The following DDX42 variants were observed in gnomAD, a reference collection of about 807,000 sequenced individuals.
The protein encoded by DDX42 is DEAD-box helicase 42.
In DDX42, 22 loss-of-function variants were observed where a neutral mutation model predicts 101.5. The observed-to-expected ratio is 0.22, with a 90% CI of 0.15 to 0.31. DDX42 has a LOEUF of 0.31. Ranked by LOEUF, DDX42 falls within the 10% of genes least tolerant of loss-of-function variation. DDX42 has a pLI of 1.00. For synonymous variants in DDX42, 402 were observed against 401.2 expected (o/e 1.00, Z -0.02); for missense variants, 849 against 1,199.9 (o/e 0.71, Z 4.32).
At chr17:63,788,957 C>A (rs144345590) in intron 2 of DDX42, among the ~76,000 whole-genome samples, 1 of 151,874 alleles carries the variant, frequency 6.6e-6, no homozygotes, top group Non-Finnish European at 1.5e-5. Context: ...TGGAGTGGTG[C>A]GATCAAGGCT....
chr17:63,810,553 C>G lies in DDX42; in HGVS notation c.1293C>G (p.Asp431Glu). Residue 431 changes from aspartate to glutamate, a missense_variant, in exon 12 of 18, where the codon GAC becomes GAG. This residue lies in a region of DDX42 where 370 missense variants were observed against 608.8 expected (regional missense o/e 0.61). Transcript: ENST00000389924. ...CCATAGCAAGTCATGTTCGTCCTGA[C>G]AGGCAGAGTATGTATGAAGCACCTT... ...VRSIASHVRP[D>E]RQTLLFSATF... 6.2e-7 allele frequency: 1 copy of G among 1,614,030 alleles called. No homozygotes were observed. Among genetic ancestry groups the G allele is most frequent in the Non-Finnish European group, 8.5e-7 (1 of 1,180,004 alleles).
At chr17:63,778,476 A>G (rs750760936) in intron 1 of DDX42, among the ~76,000 whole-genome samples, 4 of 151,988 alleles carry the variant, frequency 2.6e-5, no homozygotes, top group Non-Finnish European at 4.4e-5. Context: ...GAATTACATG[A>G]TTTAGTTTTT....
chr17:63,796,596 G>A (rs1400871058), intron 3 of DDX42, among the ~76,000 whole-genome samples: 1 of 152,230 alleles, frequency 6.6e-6, no homozygotes, highest in East Asian at 1.9e-4. Flanking sequence ...GATTACGGGC[G>A]TGAGCCACCG....
rs746356865 is a variant in DDX42, at chr17:63,808,852, A to G, written c.1056A>G (p.Ala352=). Residue 352 remains alanine (A), a synonymous_variant, in exon 10 of 18, where the codon GCA becomes GCG. Coordinates refer to ENST00000389924, the MANE Select transcript of DDX42 (RefSeq NM_203499.3). ...IHAECKRFGK[A]YNLRSVAVYG... is the part of the protein sequence containing the mutation. ...CAGAATGTAAGCGGTTTGGAAAAGC[A>G]TATAATCTTCGATCAGTGGCCGTAT... The G allele has an allele frequency of 8.7e-6, 14 of 1,614,012 alleles. No homozygotes were observed. Among genetic ancestry groups the G allele is most frequent in the Non-Finnish European group, 1.2e-5 (14 of 1,179,990 alleles).
Position 63,817,884 on chromosome 17 carries a change from A to G in DDX42, c.2303A>G (p.Asn768Ser), listed in dbSNP as rs1598346072. The change falls in exon 18 of 18, where the codon AAT becomes AGT. Residue 768 changes from asparagine to serine, a missense_variant. Asn to Ser is a conservative substitution (Grantham distance 46). Coordinates refer to ENST00000389924, the MANE Select transcript of DDX42 (RefSeq NM_203499.3). Reference protein sequence around the residue: ...SAAKGIPGFGNTGNISGAPVT... With the variant: ...SAAKGIPGFGSTGNISGAPVT... ...GCCAAGGGCATCCCAGGCTTTGGCA[A>G]TACTGGCAACATCAGTGGTGCCCCT... The G allele has an allele frequency of 1.2e-6, 2 of 1,614,238 alleles. No homozygotes were observed. Among genetic ancestry groups the G allele is most frequent in the Non-Finnish European group, 1.7e-6 (2 of 1,180,042 alleles).
chr17:63,800,976 TC>T (rs2039759850), intron 6 of DDX42, among the ~76,000 whole-genome samples: 1 of 103,392 alleles, frequency 9.7e-6, no homozygotes, highest in Non-Finnish European at 1.8e-5. Context: ...TTTTCTTCTT[TC>T]TTTCTCCCTT....
At chr17:63,788,156 T>A (rs2665853) in intron 2 of DDX42, among the ~76,000 whole-genome samples, 4 of 151,190 alleles carry the variant, frequency 2.6e-5, no homozygotes, top group Non-Finnish European at 2.9e-5. Flanking sequence ...CTGCCCGCCT[T>A]GGCCTCCCAA....
chr17:63,807,540 C>A (rs1429192120), intron 8 of DDX42, among the ~76,000 whole-genome samples, 184 bp from the exon 9 acceptor site: 11 of 151,842 alleles, frequency 7.2e-5, no homozygotes, highest in Admixed American at 7.2e-4. Context: ...TCCTATAAAT[C>A]AAGAAGTTAA....
At chr17:63,810,427 A>G (rs2039895946) in intron 11 of DDX42, 86 bp from the exon 12 acceptor site, 1 of 1,404,840 alleles carries the variant, frequency 7.1e-7, no homozygotes, top group Admixed American at 1.9e-5. Context: ...ACAACTTCTT[A>G]TGAAGACTTT....
chr17:63,796,536 G>A (rs185812015), intron 3 of DDX42, among the ~76,000 whole-genome samples: 72 of 152,276 alleles, frequency 4.7e-4, no homozygotes, highest in African/African-American at 1.6e-3. Context: ...GGCTGCCCTC[G>A]AACTCCTGAC....
chr17:63,779,426 G>C (rs2039459770), intron 1 of DDX42, among the ~76,000 whole-genome samples: 1 of 152,098 alleles, frequency 6.6e-6, no homozygotes, highest in Admixed American at 6.5e-5. Flanking sequence ...ACCACACCTG[G>C]GTAATTTTTG....
chr17:63,787,913 T>TG (rs1280719138), intron 2 of DDX42, among the ~76,000 whole-genome samples: 2 of 134,088 alleles, frequency 1.5e-5, no homozygotes, highest in Non-Finnish European at 3.2e-5. Flanking sequence ...TGGTTTTTTT[T>TG]TTTTTTTTTG....
At chr17:63,804,472 C>T (rs2039813929) in intron 6 of DDX42, among the ~76,000 whole-genome samples, 1 of 152,162 alleles carries the variant, frequency 6.6e-6, no homozygotes, top group Non-Finnish European at 1.5e-5. Flanking sequence ...CAGAATAGAA[C>T]TCCCTCTAAA....
intron 7 of DDX42, chr17:63,805,773 C>G (rs764491800): frequency 2.0e-5 from 3 of 152,298 alleles, no homozygotes; most frequent in Non-Finnish European, 4.4e-5. Flanking sequence ...TTATCAGTTG[C>G]TACACGATGT....
At chr17:63,814,366 C>CA (rs1443457316) in intron 15 of DDX42, among the ~76,000 whole-genome samples, 19 of 152,360 alleles carry the variant, frequency 1.2e-4, no homozygotes, top group African/African-American at 3.6e-4. Context: ...GGCCAGCTCA[C>CA]ACAACTGGTA....
chr17:63,789,569 TTG>T (rs1231657429), intron 2 of DDX42, among the ~76,000 whole-genome samples: 583 of 51,618 alleles, frequency 0.011, 50 homozygotes, highest in African/African-American at 0.039. Context: ...GTTTTTGTTT[TTG>T]TTTTTTTTTT....
intron 6 of DDX42, among the ~76,000 whole-genome samples, chr17:63,801,833 T>C (rs2039773850): frequency 6.6e-6 from 1 of 152,168 alleles, no homozygotes; most frequent in East Asian, 1.9e-4. Flanking sequence ...TTCTTCACAG[T>C]GGAGCCAGTA....
At chr17:63,774,123 C>G (rs1472523306), upstream of DDX42, 2 of 245,758 alleles carry the variant, frequency 8.1e-6, no homozygotes, top group Admixed American at 5.7e-5. Flanking sequence ...GTAGCCCCGG[C>G]CCCGCCCTTC....
At chr17:63,780,508 A>G (rs1285902091) in intron 1 of DDX42, among the ~76,000 whole-genome samples, 1 of 152,182 alleles carries the variant, frequency 6.6e-6, no homozygotes, top group Non-Finnish European at 1.5e-5. Context: ...TTTTTTGAGT[A>G]CTATGCAGAC....
Sources: gnomAD v4.1 joint callset for allele counts (sites outside exome capture counted in the v4.1 genomes callset) on GRCh38, gnomAD v4.1.1 for gene constraint, gnomAD v4.1.1 regional missense constraint, MANE v1.5 for transcripts, NCBI Gene and HGNC (gene_info 2026-07-23, HGNC 2026-07-21) for gene names.